COMMD2: variants seen among roughly 807,000 people sequenced by gnomAD.
The protein encoded by COMMD2 is COMM domain containing 2, also known as COMM domain-containing protein 2.
COMMD2 carries 25 observed loss-of-function variants against 22.5 expected under a neutral mutation model. That is an observed-to-expected ratio of 1.11 (90% CI 0.81 to 1.55). The LOEUF (loss-of-function observed/expected upper bound fraction) is 1.55, where lower values mean the gene tolerates loss of function less well. Ranked by LOEUF, COMMD2 falls within the 40% of genes most tolerant of loss-of-function variation. The probability of loss-of-function intolerance (pLI) is 0.00; values close to 1 mark genes in which losing one functional copy is unlikely to be tolerated. For synonymous variants in COMMD2, 98 were observed against 91.2 expected, an observed-to-expected ratio of 1.07 and a Z score of -0.42; for missense variants, 223 against 232.9, an observed-to-expected ratio of 0.96 and a Z score of 0.28.
rs113167845 is a variant in COMMD2, at chr3:149,750,894, T to A, written c.229-43A>T. On this transcript the variant is annotated intron_variant, in intron 3 of 4. Transcript: ENST00000473414. ...AAAAGAACATCAAAATTTATCTTTGTCTAGCTAAAATAATTGAAATACACA... is the reference window on the plus strand; with the variant it reads ...AAAAGAACATCAAAATTTATCTTTGACTAGCTAAAATAATTGAAATACACA... 17 of 1,297,260 alleles carry A rather than the reference T, an allele frequency of 1.3e-5. No homozygotes were observed. The African/African-American group carries it at 2.1e-4, about 16-fold the overall frequency. The allele number at this position is 1,297,260 out of a possible 1,614,324, so 80.4% of individuals were successfully genotyped here. A position where few individuals can be genotyped will look rare whatever the true frequency, so the allele number is the denominator to read the frequency against.
Position 149,741,228 on chromosome 3 carries a change from G to GCCA in COMMD2, c.*292_*293insTGG. On this transcript the variant is annotated 3_prime_UTR_variant, in exon 5 of 5. Transcript: ENST00000473414. Reference sequence around the variant, plus strand: ...CTGATAGATGCGTGCCACCACACCTGGCTAATTTTTTATATTTTTAGTAGA... The same window carrying GCCA: ...CTGATAGATGCGTGCCACCACACCTGCCAGCTAATTTTTTATATTTTTAGTAGA... 1 of 289,154 alleles carries GCCA rather than the reference G, an allele frequency of 3.5e-6. No homozygotes were observed. Among genetic ancestry groups the GCCA allele is most frequent in the Non-Finnish European group, 6.8e-6 (1 of 147,568 alleles). The allele number at this position is 289,154 out of a possible 1,614,324, so 17.9% of individuals were successfully genotyped here.
chr3:149,738,766 C>A lies in COMMD2; in HGVS notation c.*2755G>T, dbSNP rs1366122638. The A allele has an allele frequency of 2.0e-5, 3 of 152,150 alleles. No individual in the cohort carries two copies. Among genetic ancestry groups the A allele is most frequent in the Non-Finnish European group, 4.4e-5 (3 of 67,988 alleles). The allele number at this position is 152,150 out of a possible 1,614,324, so 9.4% of individuals were successfully genotyped here. A position where few individuals can be genotyped will look rare whatever the true frequency, so the allele number is the denominator to read the frequency against. On this transcript the variant is annotated 3_prime_UTR_variant, in exon 5 of 5. Coordinates refer to ENST00000473414, the MANE Select transcript of COMMD2 (RefSeq NM_016094.4). The stretch of plus-strand genomic sequence containing the variant: ...CTGTTATGAATTTTAATGGCTCCTA[C>A]ACATGCATCCTTTATATATACCCTT...
At position 149,741,266 on chromosome 3, in the gene COMMD2, C is replaced by A. The variant is rs542297087; in HGVS notation, c.*255G>T. ...TATTTTTAGTAGAGATGGGGTTTCACCATGTTAGCCAGGAAGGTCTCAATC... is the reference window on the plus strand; with the variant it reads ...TATTTTTAGTAGAGATGGGGTTTCAACATGTTAGCCAGGAAGGTCTCAATC... On this transcript the variant is annotated 3_prime_UTR_variant, in exon 5 of 5. Coordinates refer to ENST00000473414, the MANE Select transcript of COMMD2 (RefSeq NM_016094.4). 1.4e-5 allele frequency: 5 copies of A among 366,956 alleles called. No individual in the cohort carries two copies. Among genetic ancestry groups the A allele is most frequent in the Admixed American group, 1.2e-4 (3 of 26,024 alleles). 22.7% of individuals were successfully genotyped at this position (366,956 alleles called of 1,614,324 possible). A position where few individuals can be genotyped will look rare whatever the true frequency, so the allele number is the denominator to read the frequency against.
chr3:149,747,872 C>T (rs1243856668), intron 4 of COMMD2, among the ~76,000 whole-genome samples: 2 of 146,958 alleles, frequency 1.4e-5, no homozygotes, highest in African/African-American at 5.0e-5. Context: ...CACTTGAACC[C>T]GGGAGGCGGA....
intron 3 of COMMD2, 81 bp from the exon 4 acceptor site, chr3:149,750,932 A>T: frequency 1.1e-6 from 1 of 910,536 alleles, no homozygotes; most frequent in Non-Finnish European, 1.6e-6. Context: ...AGAATATGAT[A>T]TCCTCTAATT....
At chr3:149,751,623 G>A in intron 2 of COMMD2, 138 bp from the exon 3 acceptor site, 2 of 696,370 alleles carry the variant, frequency 2.9e-6, no homozygotes, top group African/African-American at 1.8e-5. Context: ...TTGGCCAGAG[G>A]CTCCTGCTCC....
chr3:149,748,448 A>C (rs1395246413), intron 4 of COMMD2, among the ~76,000 whole-genome samples: 3 of 152,222 alleles, frequency 2.0e-5, no homozygotes, highest in Non-Finnish European at 4.4e-5. Flanking sequence ...AAAACAAAAA[A>C]CAAAAAACCA....
intron 4 of COMMD2, among the ~76,000 whole-genome samples, chr3:149,748,246 G>T (rs1042588780): frequency 6.6e-6 from 1 of 152,184 alleles, no homozygotes; most frequent in East Asian, 1.9e-4. Context: ...GAGCAAGTGG[G>T]TCCTCATACA....
At chr3:149,749,652 G>A (rs1287593265) in intron 4 of COMMD2, among the ~76,000 whole-genome samples, 1 of 152,126 alleles carries the variant, frequency 6.6e-6, no homozygotes, top group Non-Finnish European at 1.5e-5. Flanking sequence ...ATCCATGTGG[G>A]CTTTTACAAC....
Position 149,751,421 on chromosome 3 carries a change from A to G in COMMD2, c.210T>C (p.Thr70=). ...CCCTTACCATGAGCTTTGAGCTCTC[A>G]GTGAGGAGATACGTTAATCCTTCCA... ...HGVEGLTYLL[T]ESSKLMISEL... Residue 70 remains threonine (T), a synonymous_variant, in exon 3 of 5, where the codon ACT becomes ACC. Coordinates refer to ENST00000473414, the MANE Select transcript of COMMD2 (RefSeq NM_016094.4). 1 of 1,614,052 alleles carries G rather than the reference A, an allele frequency of 6.2e-7. No individual in the cohort carries two copies. The highest frequency in any genetic ancestry group is 8.5e-7 in the Non-Finnish European group (1 of 1,179,906).
rs138597206 is a variant in COMMD2 at position 149,752,461 on chromosome 3, T to A, written c.-17A>T. ...CAGCAGCATCTTCACTGTCCTACGA[T>A]TTCACCCGGCAGCGCCGACCCCGCC... On this transcript the variant is annotated 5_prime_UTR_variant, in exon 1 of 5. Coordinates refer to ENST00000473414, the MANE Select transcript of COMMD2 (RefSeq NM_016094.4). The A allele has an allele frequency of 6.2e-7, 1 of 1,608,810 alleles. No homozygotes were observed.
intron 4 of COMMD2, among the ~76,000 whole-genome samples, chr3:149,746,704 C>A (rs1451928853): frequency 2.0e-5 from 3 of 152,048 alleles, no homozygotes; most frequent in Admixed American, 6.5e-5. Flanking sequence ...AATGGCATGA[C>A]CCTGGGAGGC....
At chr3:149,742,049 A>C (rs1256781215) in intron 4 of COMMD2, among the ~76,000 whole-genome samples, 2 of 152,146 alleles carry the variant, frequency 1.3e-5, no homozygotes, top group Admixed American at 6.5e-5. Context: ...GGGATTTTGC[A>C]ACAGACATAT....
chr3:149,749,722 T>G (rs768659580), intron 4 of COMMD2, among the ~76,000 whole-genome samples: 2 of 152,242 alleles, frequency 1.3e-5, no homozygotes, highest in Non-Finnish European at 2.9e-5. Context: ...TTCATCCTTC[T>G]GAAATTTCAT....
At chr3:149,745,762 C>G (rs951548952) in intron 4 of COMMD2, among the ~76,000 whole-genome samples, 3 of 152,250 alleles carry the variant, frequency 2.0e-5, no homozygotes, top group African/African-American at 2.4e-5. Flanking sequence ...GCCACCCACT[C>G]TATCCCAAAT....
chr3:149,741,888 T>C lies in COMMD2; in HGVS notation c.403-170A>G, dbSNP rs75337955. On this transcript the variant is annotated intron_variant, in intron 4 of 4. Transcript: ENST00000473414. Reference sequence around the variant, plus strand: ...TTGAAAAGAAAATAATGAGAATATATACCAATTTTATGGTATAGAAGATTT... The same window carrying C: ...TTGAAAAGAAAATAATGAGAATATACACCAATTTTATGGTATAGAAGATTT... Among the ~76,000 whole-genome samples the C allele has an allele frequency of 2.3e-3, 345 of 152,166 alleles. 1 individual carries two copies. Among genetic ancestry groups the C allele is most frequent in the Non-Finnish European group, 4.2e-3 (288 of 67,980 alleles).
At chr3:149,744,075 A>G (rs890056869) in intron 4 of COMMD2, among the ~76,000 whole-genome samples, 1 of 152,226 alleles carries the variant, frequency 6.6e-6, no homozygotes, top group Non-Finnish European at 1.5e-5. Context: ...AAAGAACAGT[A>G]GCCCACAAAG....
At chr3:149,747,663 G>A (rs9883415) in intron 4 of COMMD2, among the ~76,000 whole-genome samples, 47,518 of 152,064 alleles carry the variant, frequency 0.31, 8,965 homozygotes, top group Middle Eastern at 0.52. Context: ...TAGGCTGGGC[G>A]TGCTGGCTCA....
Position 149,741,735 on chromosome 3 carries a change from A to G in COMMD2, c.403-17T>C, listed in dbSNP as rs768338678. ...ACTTGCAAGCTTGATTTTAAATGAA[A>G]TAAGAGCACAGTAACTATTTAATAA... On this transcript the variant is annotated splice_polypyrimidine_tract_variant and intron_variant, in intron 4 of 4. Transcript: ENST00000473414. 11 of 1,575,272 alleles carry G rather than the reference A, an allele frequency of 7.0e-6. No individual in the cohort carries two copies. The highest frequency in any genetic ancestry group is 9.6e-6 in the Non-Finnish European group (11 of 1,144,862).
Sources: gnomAD v4.1 joint callset for allele counts (sites outside exome capture counted in the v4.1 genomes callset) on GRCh38, gnomAD v4.1.1 for gene constraint, MANE v1.5 for transcripts, NCBI Gene and HGNC (gene_info 2026-07-23, HGNC 2026-07-21) for gene names.